USP39: variants seen among roughly 807,000 people sequenced by gnomAD.
USP39 encodes ubiquitin carboxyl-terminal hydrolase 39.
USP39 carries 38 observed loss-of-function variants against 66.4 expected under a neutral mutation model. The ratio of observed to expected loss-of-function variants is 0.57; its 90% confidence interval spans 0.44 to 0.75. The LOEUF is 0.75. Ranked by LOEUF, USP39 falls within the 30% of genes least tolerant of loss-of-function variation. The pLI, the probability that USP39 is intolerant of heterozygous loss-of-function variation, is 0.00. For synonymous variants in USP39, 303 were observed against 274.6 expected (o/e 1.10, Z -1.02); for missense variants, 608 against 714.4 (o/e 0.85, Z 1.70).
At chr2:85,603,937 A>G (rs1673113861) in intron 1 of USP39, among the ~76,000 whole-genome samples, 1 of 152,086 alleles carries the variant, frequency 6.6e-6, no homozygotes, top group Non-Finnish European at 1.5e-5. Flanking sequence ...ACTTTCACAT[A>G]TCAGAAGTGT....
chr2:85,638,251 A>C (rs916843647), intron 8 of USP39, among the ~76,000 whole-genome samples: 4 of 151,144 alleles, frequency 2.6e-5, no homozygotes, highest in African/African-American at 9.7e-5. Flanking sequence ...CAAACTCCTG[A>C]CCTTAGGTGA....
chr2:85,630,793 C>G lies in USP39; in HGVS notation c.796C>G (p.Pro266Ala). 6.2e-7 allele frequency: 1 copy of G among 1,614,178 alleles called. No individual in the cohort carries two copies. The highest frequency in any genetic ancestry group is 1.6e-4 in the Middle Eastern group (1 of 6,062). ...CAATTATAAGAACATCAAACGTCCTCCAGGGGATATCATGTTCTTGTTGGT... is the reference window on the plus strand; with the variant it reads ...CAATTATAAGAACATCAAACGTCCTGCAGGGGATATCATGTTCTTGTTGGT... ...EDNYKNIKRP[P>A]GDIMFLLVQR... The change falls in exon 6 of 13, where the codon CCA becomes GCA. Residue 266 changes from proline to alanine, a missense_variant. Pro to Ala is a conservative substitution (Grantham distance 27, BLOSUM62 -1). Transcript: ENST00000323701.
chr2:85,612,388 A>T (rs1344023122), upstream of USP39: 6 of 1,535,206 alleles, frequency 3.9e-6, no homozygotes, highest in Non-Finnish European at 5.2e-6. Context: ...ATCCATCGCC[A>T]TCTGCGTGAC....
intron 4 of USP39, among the ~76,000 whole-genome samples, chr2:85,624,676 T>C (rs1444833903): frequency 6.6e-6 from 1 of 152,170 alleles, no homozygotes; most frequent in African/African-American, 2.4e-5. Context: ...AAAATAGTTA[T>C]GGACAGGCTT....
rs1012162428 is a variant in USP39, at chr2:85,643,643, ATC to A, written c.1428-1302_1428-1301del. ...GAGCTCACATGGACTCAGGACTCAT[ATC>A]TCCTTTTTTTTTTTTTTTTGGAGAT... is the stretch of plus-strand genomic sequence containing the variant. On this transcript the variant is annotated intron_variant, in intron 10 of 12. Transcript: ENST00000323701. Among the ~76,000 whole-genome samples the A allele has an allele frequency of 1.2e-3, 156 of 134,830 alleles. 2 individuals are homozygous for A. In the East Asian group the frequency reaches 0.031, roughly 27 times the overall value. 88.5% of individuals were successfully genotyped at this position (134,830 alleles called of 152,430 possible). A position where few individuals can be genotyped will look rare whatever the true frequency, so the allele number is the denominator to read the frequency against.
chr2:85,603,845 G>T (rs919861913), intron 1 of USP39, among the ~76,000 whole-genome samples: 1 of 152,032 alleles, frequency 6.6e-6, no homozygotes, highest in Admixed American at 6.5e-5. Flanking sequence ...CGCCCGCCTC[G>T]GCCTCCCAAA....
upstream of USP39, among the ~76,000 whole-genome samples, chr2:85,612,913 G>A (rs1417082212): frequency 6.6e-6 from 1 of 151,378 alleles, no homozygotes; most frequent in African/African-American, 2.4e-5. Flanking sequence ...CGCCTGCCTC[G>A]GCCTCCCAAA....
upstream of USP39, chr2:85,608,354 T>C (rs1288530726): frequency 6.6e-6 from 1 of 152,086 alleles, no homozygotes; most frequent in East Asian, 1.9e-4. Flanking sequence ...GAGAGTTTTT[T>C]AGAAGGGTAG....
At position 85,648,837 on chromosome 2, in the gene USP39, G is replaced by T. The variant is rs755098384; in HGVS notation, c.*29G>T. 1 of 1,612,936 alleles carries T rather than the reference G, an allele frequency of 6.2e-7. No homozygotes were observed. Among genetic ancestry groups the T allele is most frequent in the African/African-American group, 1.3e-5 (1 of 74,776 alleles). ...AGGCGTCTAGGGCTTTGCTCCCAAG[G>T]GCTGTGGCTGATGATGGTAAATAAG... On this transcript the variant is annotated 3_prime_UTR_variant, in exon 13 of 13. Coordinates refer to ENST00000323701, the MANE Select transcript of USP39 (RefSeq NM_006590.4).
At chr2:85,612,062 C>T, upstream of USP39, 3 of 1,164,340 alleles carry the variant, frequency 2.6e-6, no homozygotes, top group Non-Finnish European at 2.3e-6. Flanking sequence ...TCCGCGCCGC[C>T]CCTTGCTCAG....
At chr2:85,611,888 G>C, upstream of USP39, 1 of 1,596,714 alleles carries the variant, frequency 6.3e-7, no homozygotes, top group Non-Finnish European at 8.5e-7. Flanking sequence ...CGAGCGATCT[G>C]GTTCCGTCGG....
chr2:85,641,920 AAAAAAAAAAGAAAG>A (rs1676257585), intron 10 of USP39, among the ~76,000 whole-genome samples: 1 of 150,120 alleles, frequency 6.7e-6, no homozygotes, highest in Non-Finnish European at 1.5e-5. Flanking sequence ...AAAAAAAAAA[AAAAAAAAAAGAAAG>A]AAAGAAAGAA....
chr2:85,634,072 C>T (rs1393871505), intron 6 of USP39, among the ~76,000 whole-genome samples: 1 of 150,292 alleles, frequency 6.7e-6, no homozygotes, highest in East Asian at 2.0e-4. Flanking sequence ...CTCCTGACCT[C>T]GTGATCCGTC....
At chr2:85,633,773 TAAAAAG>T (rs1322882217) in intron 6 of USP39, among the ~76,000 whole-genome samples, 1 of 141,124 alleles carries the variant, frequency 7.1e-6, no homozygotes, top group East Asian at 2.2e-4. Context: ...GTCTGTAAAA[TAAAAAG>T]AAAAACATTA....
At position 85,647,799 on chromosome 2, in the gene USP39, C is replaced by T. The variant is rs114783427; in HGVS notation, c.1564-131C>T. ...GCCAGAAGAAGTCATGTACCCTCTT[C>T]TTTATGACTGTTGCTGGATGATGTC... On this transcript the variant is annotated intron_variant, in intron 11 of 12. Coordinates refer to ENST00000323701, the MANE Select transcript of USP39 (RefSeq NM_006590.4). 9.4e-3 allele frequency: 6,779 copies of T among 723,200 alleles called. 59 individuals are homozygous for T. Among genetic ancestry groups the T allele is most frequent in the Middle Eastern group, 0.023 (89 of 3,906 alleles). 44.8% of individuals were successfully genotyped at this position (723,200 alleles called of 1,614,324 possible). A position where few individuals can be genotyped will look rare whatever the true frequency, so the allele number is the denominator to read the frequency against.
intron 8 of USP39, 97 bp downstream of exon 8, chr2:85,637,533 C>A: frequency 7.4e-7 from 1 of 1,344,602 alleles, no homozygotes; most frequent in Non-Finnish European, 1.1e-6. Context: ...AGCCTGCTTG[C>A]CCTGTGAAGA....
intron 7 of USP39, among the ~76,000 whole-genome samples, chr2:85,636,973 C>G: frequency 6.6e-6 from 1 of 152,192 alleles, no homozygotes; most frequent in East Asian, 1.9e-4. Flanking sequence ...TCATTGTCCT[C>G]TTGTCTTCAT....
In USP39 at chr2:85,616,241, A is replaced by G; in HGVS notation, c.46A>G (p.Lys16Glu). 1 of 1,493,420 alleles carries G rather than the reference A, an allele frequency of 6.7e-7. No individual in the cohort carries two copies. Among genetic ancestry groups the G allele is most frequent in the Non-Finnish European group, 8.9e-7 (1 of 1,119,216 alleles). 92.5% of individuals were successfully genotyped at this position (1,493,420 alleles called of 1,614,324 possible). The change falls in exon 1 of 13, where the codon AAG (lysine) becomes GAG (glutamate). Residue 16 changes from lysine to glutamate, a missense_variant. Transcript: ENST00000323701. ...KRESRGSTRG[K>E]RESESRGSSG... ...GGAGTCTCGCGGTTCCACTCGCGGGAAGCGAGAGTCTGAGTCGCGGGGCAG... is the reference window on the plus strand; with the variant it reads ...GGAGTCTCGCGGTTCCACTCGCGGGGAGCGAGAGTCTGAGTCGCGGGGCAG...
At chr2:85,609,175 G>T, upstream of USP39, 2 of 1,453,930 alleles carry the variant, frequency 1.4e-6, no homozygotes, top group Non-Finnish European at 1.9e-6. Flanking sequence ...AAGGCTTTTT[G>T]CCAGCACCTG....
Sources: gnomAD v4.1 joint callset for allele counts (sites outside exome capture counted in the v4.1 genomes callset) on GRCh38, gnomAD v4.1.1 for gene constraint, MANE v1.5 for transcripts, NCBI Gene and HGNC (gene_info 2026-07-23, HGNC 2026-07-21) for gene names.